Variants in KLHDC7A observed in about 807,000 individuals in gnomAD.
The protein encoded by KLHDC7A is kelch domain-containing protein 7A.
For missense variants in KLHDC7A, 1,123 were observed against 1,052.6 expected, an observed-to-expected ratio of 1.07 and a Z score of -0.93; for synonymous variants, 464 against 461.0, an observed-to-expected ratio of 1.01 and a Z score of -0.08.
At position 18,483,720 on chromosome 1, in the gene KLHDC7A, G is replaced by T; in HGVS notation, c.*405G>T. 1 of 1,197,044 alleles carries T rather than the reference G, an allele frequency of 8.4e-7. No individual in the cohort carries two copies. The highest frequency in any genetic ancestry group is 1.7e-5 in the South Asian group (1 of 59,578). 74.2% of individuals were successfully genotyped at this position (1,197,044 alleles called of 1,614,324 possible). A position where few individuals can be genotyped will look rare whatever the true frequency, so the allele number is the denominator to read the frequency against. On this transcript the variant is annotated 3_prime_UTR_variant, in exon 1 of 1. Coordinates refer to ENST00000400664, the MANE Select transcript of KLHDC7A (RefSeq NM_152375.3). The stretch of plus-strand genomic sequence containing the variant: ...CCCTCGCTAGTTGCTCTGGAGAGGG[G>T]TTGGCTCTCTGAGCCATCAGTGCCC...
chr1:18,481,752 C>T lies in KLHDC7A; in HGVS notation c.771C>T (p.Asn257=). ...LTLHQQEGAP[N]SSYTFSSIAR... ...TGCATCAGCAGGAGGGCGCCCCCAA[C>T]TCCTCCTATACCTTCTCATCCATAG... is the stretch of plus-strand genomic sequence containing the variant. The change falls in exon 1 of 1, where the codon AAC becomes AAT. Residue 257 remains asparagine (N), a synonymous_variant. Coordinates refer to ENST00000400664, the MANE Select transcript of KLHDC7A (RefSeq NM_152375.3). 4.3e-6 allele frequency: 7 copies of T among 1,613,984 alleles called. No homozygotes were observed. The highest frequency in any genetic ancestry group is 5.9e-6 in the Non-Finnish European group (7 of 1,179,914).
In KLHDC7A at chr1:18,482,020, G is replaced by T; in HGVS notation, c.1039G>T (p.Ala347Ser). ...CACAAAGGGTGCAGCCGAAAGAGCC[G>T]CCTCCCCGCAGACAGGGCCGTGGCC... Reference protein sequence around the residue: ...GDTKGAAERAASPQTGPWPST... With the variant: ...GDTKGAAERASSPQTGPWPST... Residue 347 changes from alanine to serine, a missense_variant, in exon 1 of 1, where the codon GCC becomes TCC. Physicochemically the swap from Ala to Ser is moderately conservative, Grantham distance 99. Coordinates refer to ENST00000400664, the MANE Select transcript of KLHDC7A (RefSeq NM_152375.3). 1 of 1,612,746 alleles carries T rather than the reference G, an allele frequency of 6.2e-7. No homozygotes were observed. The highest frequency in any genetic ancestry group is 8.5e-7 in the Non-Finnish European group (1 of 1,179,912).
In KLHDC7A at chr1:18,482,266, C is replaced by T. The variant is rs778130409; in HGVS notation, c.1285C>T (p.Arg429Cys). ...CACCCCTGCTTCAGCCCCACAGGTC[C>T]GCCTGGATCTGGGCAATTGCTATGA... The part of the protein sequence containing the change: ...PLTPASAPQV[R>C]LDLGNCYEVL... Residue 429 changes from arginine to cysteine, a missense_variant, in exon 1 of 1, where the codon CGC becomes TGC. Coordinates refer to ENST00000400664, the MANE Select transcript of KLHDC7A (RefSeq NM_152375.3). The T allele has an allele frequency of 6.2e-6, 10 of 1,604,634 alleles. No homozygotes were observed. The highest frequency in any genetic ancestry group is 3.3e-5 in the Admixed American group (2 of 60,032).
Position 18,483,969 on chromosome 1 carries a change from T to A in KLHDC7A, c.*654T>A, listed in dbSNP as rs1366032395. 8.4e-6 allele frequency: 11 copies of A among 1,304,098 alleles called. No homozygotes were observed. In the East Asian group the frequency reaches 6.1e-4, roughly 72 times the overall value. 80.8% of individuals were successfully genotyped at this position (1,304,098 alleles called of 1,614,324 possible). ...GCGAGAAAATATACCAAAGCCCACA[T>A]TACTTTTCTCCTTATTGGAAGAAAG... On this transcript the variant is annotated 3_prime_UTR_variant, in exon 1 of 1. Coordinates refer to ENST00000400664, the MANE Select transcript of KLHDC7A (RefSeq NM_152375.3).
chr1:18,483,119 C>T lies in KLHDC7A; in HGVS notation c.2138C>T (p.Pro713Leu), dbSNP rs143962454. 178 of 1,613,966 alleles carry T rather than the reference C, an allele frequency of 1.1e-4. No individual in the cohort carries two copies. The African/African-American group carries it at 2.1e-3, about 19-fold the overall frequency. The stretch of plus-strand genomic sequence containing the variant: ...TGCGCCACGTACCGGACGCCTTACC[C>T]GGATGCCTTCCAGTGCGCCGTGGTG... ...YECATYRTPY[P>L]DAFQCAVVDN... is the part of the protein sequence containing the mutation. The change falls in exon 1 of 1, where the codon CCG becomes CTG. Residue 713 changes from proline to leucine, a missense_variant. Physicochemically the swap from Pro to Leu is moderately conservative, Grantham distance 98 (BLOSUM62 -3). Coordinates refer to ENST00000400664, the MANE Select transcript of KLHDC7A (RefSeq NM_152375.3).
chr1:18,481,441 G>T lies in KLHDC7A; in HGVS notation c.460G>T (p.Asp154Tyr), dbSNP rs759587652. ...ETRTAVGSNP[D>Y]PPHFPRLGSE... is the part of the protein sequence containing the mutation. ...CAGAACAGCTGTTGGCAGTAACCCT[G>T]ACCCTCCCCATTTCCCCCGCTTGGG... The change falls in exon 1 of 1, where the codon GAC (aspartate) becomes TAC (tyrosine). Residue 154 changes from aspartate (D) to tyrosine (Y), a missense_variant. Physicochemically the swap from Asp to Tyr is radical, Grantham distance 160. Coordinates refer to ENST00000400664, the MANE Select transcript of KLHDC7A (RefSeq NM_152375.3). The T allele has an allele frequency of 2.5e-6, 4 of 1,613,830 alleles. No individual in the cohort carries two copies. In the South Asian group the frequency reaches 3.3e-5, roughly 13 times the overall value.
chr1:18,485,428 A>G lies in KLHDC7A; in HGVS notation c.*2113A>G, dbSNP rs1317341641. The G allele has an allele frequency of 1.2e-5, 2 of 165,814 alleles. No individual in the cohort carries two copies. Among genetic ancestry groups the G allele is most frequent in the Non-Finnish European group, 2.9e-5 (2 of 68,050 alleles). 10.3% of individuals were successfully genotyped at this position (165,814 alleles called of 1,614,324 possible). Reference sequence around the variant, plus strand: ...AGCTGATGGTGGGTGTGGTCTTCATAATGAGAGGTGGAGCTGAGATTTGGG... The same window carrying G: ...AGCTGATGGTGGGTGTGGTCTTCATGATGAGAGGTGGAGCTGAGATTTGGG... On this transcript the variant is annotated 3_prime_UTR_variant, in exon 1 of 1. Coordinates refer to ENST00000400664, the MANE Select transcript of KLHDC7A (RefSeq NM_152375.3).
rs2992753 is a variant in KLHDC7A at position 18,481,798 on chromosome 1, C to A, written c.817C>A (p.His273Asn). The change falls in exon 1 of 1, where the codon CAT becomes AAT. Residue 273 changes from histidine (H) to asparagine (N), a missense_variant. By Grantham distance (68) the His-to-Asn change is moderately conservative. Transcript: ENST00000400664. ...SSIARVRMEE[H>N]FIQKAEGVEP... ...CATAGCCCGCGTCCGAATGGAGGAG[C>A]ATTTCATACAGAAGGCGGAGGGGGT... The A allele has an allele frequency of 0.64, 1,033,016 of 1,613,666 alleles. 334,240 individuals are homozygous for A. Among genetic ancestry groups the A allele is most frequent in the East Asian group, 0.9 (40,493 of 44,816 alleles).
chr1:18,482,893 G>C lies in KLHDC7A; in HGVS notation c.1912G>C (p.Val638Leu). The C allele has an allele frequency of 6.2e-7, 1 of 1,610,634 alleles. No individual in the cohort carries two copies. Residue 638 changes from valine (V) to leucine (L), a missense_variant, in exon 1 of 1, where the codon GTC becomes CTC. By Grantham distance (32) the Val-to-Leu change is conservative (BLOSUM62 1). Transcript: ENST00000400664. ...TATVRAKEIF[V>L]TGGSLRFLLF... is the part of the protein sequence containing the mutation. ...CACGGTGCGTGCCAAGGAAATCTTC[G>C]TCACCGGCGGCTCGCTGCGCTTCCT... is the stretch of plus-strand genomic sequence containing the variant.
rs566257503 is a variant in KLHDC7A, at chr1:18,483,052, G to A, written c.2071G>A (p.Ala691Thr). Residue 691 changes from alanine (A) to threonine (T), a missense_variant, in exon 1 of 1, where the codon GCC becomes ACC. Ala to Thr is a moderately conservative substitution (Grantham distance 58, BLOSUM62 0). Transcript: ENST00000400664. The stretch of plus-strand genomic sequence containing the variant: ...TGACCTCAACCGCAGCCTGGGCATC[G>A]CCGTGTACCGCTGCAGCGCCAGCAC... Reference protein sequence around the residue: ...RFDLNRSLGIAVYRCSASTRL... With the variant: ...RFDLNRSLGITVYRCSASTRL... 5.7e-5 allele frequency: 92 copies of A among 1,613,614 alleles called. 2 individuals carry two copies. In the South Asian group the frequency reaches 9.3e-4, roughly 16 times the overall value.
Position 18,483,440 on chromosome 1 carries a change from C to A in KLHDC7A, c.*125C>A, listed in dbSNP as rs2086914023. The A allele has an allele frequency of 6.7e-7, 1 of 1,496,964 alleles. No homozygotes were observed. The highest frequency in any genetic ancestry group is 2.4e-5 in the East Asian group (1 of 42,532). 92.7% of individuals were successfully genotyped at this position (1,496,964 alleles called of 1,614,324 possible). A position where few individuals can be genotyped will look rare whatever the true frequency, so the allele number is the denominator to read the frequency against. ...GAATGTGGCCATCAAGAGGTGAATT[C>A]CGGTCCTTTCTCCTCCCCTAGCTGG... On this transcript the variant is annotated 3_prime_UTR_variant, in exon 1 of 1. Coordinates refer to ENST00000400664, the MANE Select transcript of KLHDC7A (RefSeq NM_152375.3).
At position 18,481,729 on chromosome 1, in the gene KLHDC7A, C is replaced by A. The variant is rs144980737; in HGVS notation, c.748C>A (p.His250Asn). The change falls in exon 1 of 1, where the codon CAT (histidine) becomes AAT (asparagine). Residue 250 changes from histidine to asparagine, a missense_variant. Coordinates refer to ENST00000400664, the MANE Select transcript of KLHDC7A (RefSeq NM_152375.3). ...EAASDVDLTLHQQEGAPNSSY... is the reference protein window; with the variant it reads ...EAASDVDLTLNQQEGAPNSSY... ...TGCCTCCGATGTTGACCTGACCCTG[C>A]ATCAGCAGGAGGGCGCCCCCAACTC... 5.8e-5 allele frequency: 94 copies of A among 1,613,906 alleles called. No individual in the cohort carries two copies. Among genetic ancestry groups the A allele is most frequent in the Non-Finnish European group, 7.6e-5 (90 of 1,179,984 alleles).
Position 18,482,293 on chromosome 1 carries a change from G to C in KLHDC7A, c.1312G>C (p.Val438Leu). 6.2e-7 allele frequency: 1 copy of C among 1,602,746 alleles called. No homozygotes were observed. Among genetic ancestry groups the C allele is most frequent in the Non-Finnish European group, 8.5e-7 (1 of 1,179,954 alleles). The part of the protein sequence containing the change: ...VRLDLGNCYE[V>L]LTLAKRQNLE... ...CCTGGATCTGGGCAATTGCTATGAG[G>C]TGCTGACCTTGGCCAAGAGGCAGAA... The change falls in exon 1 of 1, where the codon GTG becomes CTG. Residue 438 changes from valine to leucine, a missense_variant. Transcript: ENST00000400664.
rs1213730838 is a variant in KLHDC7A at position 18,482,836 on chromosome 1, C to T, written c.1855C>T (p.Pro619Ser). The T allele has an allele frequency of 1.2e-6, 2 of 1,611,212 alleles. No individual in the cohort carries two copies. Among genetic ancestry groups the T allele is most frequent in the Non-Finnish European group, 1.7e-6 (2 of 1,179,206 alleles). ...CCGCTGGGACTTTGCCCCGCCGCTC[C>T]CCAGTGACACGTTCGCCCTGGCGCA... The part of the protein sequence containing the change: ...LDRWDFAPPL[P>S]SDTFALAHTA... The change falls in exon 1 of 1, where the codon CCC becomes TCC. Residue 619 changes from proline to serine, a missense_variant. By Grantham distance (74) the Pro-to-Ser change is moderately conservative (BLOSUM62 -1). Transcript: ENST00000400664.
chr1:18,483,121 G>C lies in KLHDC7A; in HGVS notation c.2140G>C (p.Asp714His), dbSNP rs780863095. 2.5e-6 allele frequency: 4 copies of C among 1,613,968 alleles called. No individual in the cohort carries two copies. In the South Asian group the frequency reaches 4.4e-5, roughly 18 times the overall value. ...CGCCACGTACCGGACGCCTTACCCG[G>C]ATGCCTTCCAGTGCGCCGTGGTGGA... Reference protein sequence around the residue: ...ECATYRTPYPDAFQCAVVDNL... With the variant: ...ECATYRTPYPHAFQCAVVDNL... Residue 714 changes from aspartate (D) to histidine (H), a missense_variant, in exon 1 of 1, where the codon GAT (aspartate) becomes CAT (histidine). Coordinates refer to ENST00000400664, the MANE Select transcript of KLHDC7A (RefSeq NM_152375.3).
chr1:18,483,030 C>T lies in KLHDC7A; in HGVS notation c.2049C>T (p.Asp683=), dbSNP rs1431812942. Reference sequence around the variant, plus strand: ...TCAACGGCTTTCTCTACCGCTTTGACCTCAACCGCAGCCTGGGCATCGCCG... The same window carrying T: ...TCAACGGCTTTCTCTACCGCTTTGATCTCAACCGCAGCCTGGGCATCGCCG... ...VAVNGFLYRF[D]LNRSLGIAVY... is the part of the protein sequence containing the mutation. Residue 683 remains aspartate, a synonymous_variant, in exon 1 of 1, where the codon GAC becomes GAT. Coordinates refer to ENST00000400664, the MANE Select transcript of KLHDC7A (RefSeq NM_152375.3). 2 of 1,613,396 alleles carry T rather than the reference C, an allele frequency of 1.2e-6. No individual in the cohort carries two copies. Among genetic ancestry groups the T allele is most frequent in the African/African-American group, 1.3e-5 (1 of 74,942 alleles).
Position 18,482,292 on chromosome 1 carries a change from G to A in KLHDC7A, c.1311G>A (p.Glu437=), listed in dbSNP as rs746490481. 1.2e-6 allele frequency: 2 copies of A among 1,602,818 alleles called. No homozygotes were observed. The highest frequency in any genetic ancestry group is 2.2e-5 in the South Asian group (2 of 91,090). Reference sequence around the variant, plus strand: ...GCCTGGATCTGGGCAATTGCTATGAGGTGCTGACCTTGGCCAAGAGGCAGA... The same window carrying A: ...GCCTGGATCTGGGCAATTGCTATGAAGTGCTGACCTTGGCCAAGAGGCAGA... ...QVRLDLGNCY[E]VLTLAKRQNL... The change falls in exon 1 of 1, where the codon GAG becomes GAA. Residue 437 remains glutamate, a synonymous_variant. Transcript: ENST00000400664.
Position 18,481,686 on chromosome 1 carries a change from G to T in KLHDC7A, c.705G>T (p.Glu235Asp). 1 of 1,614,130 alleles carries T rather than the reference G, an allele frequency of 6.2e-7. No individual in the cohort carries two copies. The highest frequency in any genetic ancestry group is 8.5e-7 in the Non-Finnish European group (1 of 1,180,022). ...GTGTGATAGGGGTCAGCAGAGAAGA[G>T]GCTGGGGCTCTCGAGGCTGCCTCCG... ...FTRVIGVSRE[E>D]AGALEAASDV... Residue 235 changes from glutamate (E) to aspartate (D), a missense_variant, in exon 1 of 1, where the codon GAG becomes GAT. Transcript: ENST00000400664.
chr1:18,481,262 G>T lies in KLHDC7A; in HGVS notation c.281G>T (p.Gly94Val), dbSNP rs2100254391. The change falls in exon 1 of 1, where the codon GGC (glycine) becomes GTC (valine). Residue 94 changes from glycine (G) to valine (V), a missense_variant. By Grantham distance (109) the Gly-to-Val change is moderately radical. Transcript: ENST00000400664. ...AGCAAGCGGGCTGAAGCACCACAGG[G>T]CTGCAGCTGTGAGAATCCAAGAGGC... is the stretch of plus-strand genomic sequence containing the variant. ...RSSKRAEAPQ[G>V]CSCENPRGPY... The T allele has an allele frequency of 1.9e-6, 3 of 1,584,964 alleles. No homozygotes were observed. Among genetic ancestry groups the T allele is most frequent in the African/African-American group, 1.3e-5 (1 of 74,220 alleles).
Sources: allele counts gnomAD v4.1 joint callset, GRCh38; gene constraint gnomAD v4.1.1; transcripts MANE v1.5; gene names NCBI Gene and HGNC (gene_info 2026-07-23, HGNC 2026-07-21).